TNFSF8: variants seen among roughly 807,000 people sequenced by gnomAD.
TNFSF8 encodes TNF superfamily member 8.
Under a neutral mutation model 22.0 loss-of-function variants are expected in TNFSF8, and 4 were observed. That is an observed-to-expected ratio of 0.18 (90% CI 0.09 to 0.42). TNFSF8 has a LOEUF of 0.42. TNFSF8 is among the 10% of genes least tolerant of loss of function. The pLI is 1.00. For missense variants in TNFSF8, 233 were observed against 281.8 expected (o/e 0.83, Z 1.24); for synonymous variants, 106 against 112.5 (o/e 0.94, Z 0.37).
chr9:114,927,254 T>C (rs1490216418), intron 1 of TNFSF8, among the ~76,000 whole-genome samples: 2 of 151,692 alleles, frequency 1.3e-5, no homozygotes, highest in African/African-American at 2.4e-5. Context: ...AAGACAGGGA[T>C]TTTGTTGTTT....
intron 2 of TNFSF8, among the ~76,000 whole-genome samples, chr9:114,913,802 C>T (rs1488135853): frequency 2.0e-5 from 3 of 152,166 alleles, no homozygotes; most frequent in Non-Finnish European, 4.4e-5. Context: ...TGGGGGCTTA[C>T]TGTGAGAACT....
rs774445482 is a variant in TNFSF8, at chr9:114,904,271, T to C, written c.365A>G (p.His122Arg). ...KLSWNKDGILHGVRYQDGNLV... is the reference protein window; with the variant it reads ...KLSWNKDGILRGVRYQDGNLV... ...ATTCCCATCCTGATATCTGACTCCA[T>C]GGAGAATGCCATCTTTGTTCCAAGA... The change falls in exon 4 of 4, where the codon CAT becomes CGT. Residue 122 changes from histidine (H) to arginine (R), a missense_variant. Physicochemically the swap from His to Arg is conservative, Grantham distance 29. Transcript: ENST00000223795. 8.7e-6 allele frequency: 14 copies of C among 1,613,806 alleles called. No homozygotes were observed. In the Admixed American group the frequency reaches 1.2e-4, roughly 13 times the overall value.
intron 1 of TNFSF8, among the ~76,000 whole-genome samples, chr9:114,924,241 T>C (rs1027833867): frequency 6.6e-6 from 1 of 152,192 alleles, no homozygotes; most frequent in African/African-American, 2.4e-5. Context: ...ATTTTGAATT[T>C]CTAACAAGGC....
At chr9:114,928,502 A>T (rs567307699) in intron 1 of TNFSF8, among the ~76,000 whole-genome samples, 1 of 152,158 alleles carries the variant, frequency 6.6e-6, no homozygotes, top group Non-Finnish European at 1.5e-5. Flanking sequence ...ATATATCACC[A>T]TCGCCACCCA....
At position 114,904,067 on chromosome 9, in the gene TNFSF8, A is replaced by G. The variant is rs1319781491; in HGVS notation, c.569T>C (p.Leu190Pro). Residue 190 changes from leucine to proline, a missense_variant, in exon 4 of 4, where the codon CTC becomes CCC. Physicochemically the swap from Leu to Pro is moderately conservative, Grantham distance 98. Transcript: ENST00000223795. ...CAGGTAATCCAGCAAGAATTGAGAG[A>G]GATTCTGGTATACGTGTTTCGTTTG... ...GMQTKHVYQNLSQFLLDYLQV... is the reference protein window; with the variant it reads ...GMQTKHVYQNPSQFLLDYLQV... 1 of 1,614,136 alleles carries G rather than the reference A, an allele frequency of 6.2e-7. No individual in the cohort carries two copies. Among genetic ancestry groups the G allele is most frequent in the Non-Finnish European group, 8.5e-7 (1 of 1,179,990 alleles).
intron 3 of TNFSF8, among the ~76,000 whole-genome samples, 164 bp from the exon 4 acceptor site, chr9:114,904,489 A>C (rs1204111010): frequency 6.6e-6 from 1 of 152,222 alleles, no homozygotes; most frequent in Non-Finnish European, 1.5e-5. Context: ...TCTACTTATT[A>C]CTCAAGGCAC....
At chr9:114,919,906 C>G (rs1449749469) in intron 1 of TNFSF8, among the ~76,000 whole-genome samples, 2 of 152,166 alleles carry the variant, frequency 1.3e-5, no homozygotes, top group African/African-American at 2.4e-5. Flanking sequence ...AAAGCCCTGG[C>G]ACAGCACCAA....
chr9:114,926,322 C>T (rs1267990333), intron 1 of TNFSF8, among the ~76,000 whole-genome samples: 1 of 152,002 alleles, frequency 6.6e-6, no homozygotes, highest in African/African-American at 2.4e-5. Context: ...TCCAGCTACT[C>T]GGGAGACTGA....
intron 1 of TNFSF8, among the ~76,000 whole-genome samples, chr9:114,926,086 T>C (rs1728537108): frequency 6.6e-6 from 1 of 152,242 alleles, no homozygotes; most frequent in Admixed American, 6.5e-5. Flanking sequence ...CATGTACAAT[T>C]GTGCTTGCTC....
At position 114,929,876 on chromosome 9, in the gene TNFSF8, T is replaced by C. The variant is rs1587943142; in HGVS notation, c.195+233A>G. 9.4e-5 allele frequency among the ~76,000 whole-genome samples: 1 copy of C among 10,622 alleles called. No individual in the cohort carries two copies. Among genetic ancestry groups the C allele is most frequent in the Non-Finnish European group, 1.7e-4 (1 of 5,766 alleles). 7.0% of individuals were successfully genotyped at this position (10,622 alleles called of 152,430 possible). A position where few individuals can be genotyped will look rare whatever the true frequency, so the allele number is the denominator to read the frequency against. On this transcript the variant is annotated intron_variant, in intron 1 of 3. Coordinates refer to ENST00000223795, the MANE Select transcript of TNFSF8 (RefSeq NM_001244.4). ...TCCTCTTTCTTTTCTCCCTTTCTCA[T>C]ATATATATATATATATAATATATAC... is the stretch of plus-strand genomic sequence containing the variant.
intron 1 of TNFSF8, among the ~76,000 whole-genome samples, chr9:114,926,218 G>A (rs1316599219): frequency 2.0e-5 from 3 of 152,042 alleles, no homozygotes; most frequent in Admixed American, 1.3e-4. Flanking sequence ...TTATTGAAGC[G>A]AAAATGCACA....
rs565087914 is a variant in TNFSF8, at chr9:114,907,972, G to T, written c.239-2073C>A. 2.0e-5 allele frequency among the ~76,000 whole-genome samples: 3 copies of T among 152,306 alleles called. No homozygotes were observed. In the South Asian group the frequency reaches 6.2e-4, roughly 32 times the overall value. On this transcript the variant is annotated intron_variant, in intron 2 of 3. Coordinates refer to ENST00000223795, the MANE Select transcript of TNFSF8 (RefSeq NM_001244.4). ...GAATGGATTCCTGACTGCTGTCCGG[G>T]AGTTTGGGGCTTTGCAGTCCCCCTA...
Position 114,930,484 on chromosome 9 carries a change from G to A in TNFSF8, c.-181C>T, listed in dbSNP as rs1828128098. 4.2e-6 allele frequency: 2 copies of A among 472,534 alleles called. No homozygotes were observed. Among genetic ancestry groups the A allele is most frequent in the South Asian group, 8.1e-5 (2 of 24,698 alleles). The allele number at this position is 472,534 out of a possible 1,614,324, so 29.3% of individuals were successfully genotyped here. A position where few individuals can be genotyped will look rare whatever the true frequency, so the allele number is the denominator to read the frequency against. Reference sequence around the variant, plus strand: ...TGGGGGCGTGAGGCGAGAGGCGGCAGCAAGGGTGGGGGAGAGGTTCATTTT... The same window carrying A: ...TGGGGGCGTGAGGCGAGAGGCGGCAACAAGGGTGGGGGAGAGGTTCATTTT... On this transcript the variant is annotated 5_prime_UTR_variant, in exon 1 of 4. Transcript: ENST00000223795.
At chr9:114,896,491 G>A (rs1050330188), downstream of TNFSF8, among the ~76,000 whole-genome samples, 10 of 152,178 alleles carry the variant, frequency 6.6e-5, no homozygotes, top group African/African-American at 2.4e-4. Flanking sequence ...CTAGAAGAGA[G>A]GATTTTGAAT....
At chr9:114,901,014 C>T (rs1008583620), downstream of TNFSF8, 2 of 976,470 alleles carry the variant, frequency 2.0e-6, no homozygotes, top group Non-Finnish European at 2.4e-6. Flanking sequence ...TCTTCCTCTA[C>T]AAGTTCTGCA....
At chr9:114,905,374 A>G (rs1459885435) in intron 3 of TNFSF8, among the ~76,000 whole-genome samples, 1 of 152,222 alleles carries the variant, frequency 6.6e-6, no homozygotes, top group African/African-American at 2.4e-5. Context: ...ATGTTCATTA[A>G]GCTGTCAATC....
downstream of TNFSF8, among the ~76,000 whole-genome samples, chr9:114,897,152 T>G (rs1587928338): frequency 6.6e-6 from 1 of 152,176 alleles, no homozygotes; most frequent in Non-Finnish European, 1.5e-5. Context: ...CCACCCACCT[T>G]GCCCTCCCAA....
intron 1 of TNFSF8, among the ~76,000 whole-genome samples, chr9:114,922,588 CTT>C (rs1285666005): frequency 6.6e-6 from 1 of 152,182 alleles, no homozygotes; most frequent in African/African-American, 2.4e-5. Context: ...GGGATTCAAA[CTT>C]AGGTGTTTGA....
chr9:114,900,719 C>T (rs890374310), downstream of TNFSF8, among the ~76,000 whole-genome samples: 11 of 152,252 alleles, frequency 7.2e-5, no homozygotes, highest in African/African-American at 2.4e-4. Flanking sequence ...TGGTTGCTCA[C>T]GCCTGTAATC....
Sources: gnomAD v4.1 joint callset for allele counts (sites outside exome capture counted in the v4.1 genomes callset) on GRCh38, gnomAD v4.1.1 for gene constraint, MANE v1.5 for transcripts, NCBI Gene and HGNC (gene_info 2026-07-23, HGNC 2026-07-21) for gene names.